The following SYNE2 variants were observed in gnomAD, a reference collection of about 807,000 sequenced individuals.
The protein encoded by SYNE2 is nesprin-2.
A neutral mutation model predicts 856.3 loss-of-function variants in SYNE2; 431 were observed. That is an observed-to-expected ratio of 0.50 (90% CI 0.47 to 0.55). The LOEUF is 0.55. Among genes scored for constraint, SYNE2 ranks in the 20% least tolerant of loss-of-function variants. The pLI is 0.00. For synonymous variants in SYNE2, 2,923 were observed against 2,872.3 expected (o/e 1.02, Z -0.56); for missense variants, 8,129 against 8,023.2 (o/e 1.01, Z -0.50).
intron 1 of SYNE2, among the ~76,000 whole-genome samples, chr14:63,818,243 G>A (rs1053871800): frequency 6.6e-6 from 1 of 150,868 alleles, no homozygotes; most frequent in Non-Finnish European, 1.5e-5. Flanking sequence ...TCTGAGGCAG[G>A]AGAATTGTTT....
In SYNE2 at chr14:63,909,129, A is replaced by C; in HGVS notation, c.-20A>C. On this transcript the variant is annotated 5_prime_UTR_variant, in exon 2 of 116. An upstream open reading frame in the 5' UTR loses its in-frame stop. Transcript: ENST00000555002. ...TCTTCAACTGAGATGGACATGATAT[A>C]ATCTCCATTGAGTCAAAGAATGGCA... 6.5e-7 allele frequency: 1 copy of C among 1,544,276 alleles called. No individual in the cohort carries two copies. Among genetic ancestry groups the C allele is most frequent in the Non-Finnish European group, 9.0e-7 (1 of 1,116,494 alleles).
chr14:64,202,420 A>C (rs1210915599), intron 99 of SYNE2, among the ~76,000 whole-genome samples: 1 of 152,196 alleles, frequency 6.6e-6, no homozygotes, highest in Non-Finnish European at 1.5e-5. Context: ...CCCACGGCAG[A>C]AACTGGGCAG....
chr14:63,901,317 G>A (rs2153323711), intron 1 of SYNE2, among the ~76,000 whole-genome samples: 1 of 152,226 alleles, frequency 6.6e-6, no homozygotes, highest in Admixed American at 6.5e-5. Flanking sequence ...TATTGAATAT[G>A]GAATGAAGAA....
chr14:64,141,638 C>A, intron 81 of SYNE2, 115 bp downstream of exon 81: 1 of 1,168,070 alleles, frequency 8.6e-7, no homozygotes, highest in Non-Finnish European at 1.2e-6. Flanking sequence ...TTTTCTCTGG[C>A]ACCACTGAAT....
chr14:63,986,453 T>C lies in SYNE2; in HGVS notation c.2152-3T>C, dbSNP rs754264426. 3.2e-5 allele frequency: 51 copies of C among 1,613,880 alleles called. 1 individual carries two copies. In the South Asian group the frequency reaches 4.9e-4, roughly 16 times the overall value. ...TTCTCAGTGGTACTTTTGAATGTTG[T>C]AGGCTGGAGAGAAACATGAAAAAGA... is the stretch of plus-strand genomic sequence containing the variant. On this transcript the variant is annotated splice_region_variant and splice_polypyrimidine_tract_variant and intron_variant, in intron 18 of 115. Transcript: ENST00000555002.
At chr14:64,148,070 G>C (rs908578883) in intron 84 of SYNE2, among the ~76,000 whole-genome samples, 4 of 152,120 alleles carry the variant, frequency 2.6e-5, no homozygotes, top group Non-Finnish European at 5.9e-5. Flanking sequence ...CCAGCACTTT[G>C]GGAGGCTGAG....
At chr14:64,014,966 T>TAC (rs1483223473) in intron 32 of SYNE2, among the ~76,000 whole-genome samples, 8 of 59,368 alleles carry the variant, frequency 1.3e-4, no homozygotes, top group African/African-American at 4.0e-4. Flanking sequence ...TATATATATA[T>TAC]ATATATATAC....
intron 19 of SYNE2, among the ~76,000 whole-genome samples, chr14:63,988,518 A>G (rs933266200): frequency 7.9e-5 from 12 of 152,224 alleles, no homozygotes; most frequent in Non-Finnish European, 1.5e-4. Flanking sequence ...AAAAAATTGA[A>G]ATCACTGTGA....
chr14:63,820,397 CATTA>C (rs1889170059), intron 1 of SYNE2, among the ~76,000 whole-genome samples: 1 of 152,030 alleles, frequency 6.6e-6, no homozygotes, highest in Non-Finnish European at 1.5e-5. Flanking sequence ...CATGTACAAA[CATTA>C]ATTAAGAATG....
chr14:64,052,806 A>G lies in SYNE2; in HGVS notation c.8893A>G (p.Asn2965Asp), dbSNP rs373245387. Residue 2965 changes from asparagine (N) to aspartate (D), a missense_variant, in exon 48 of 116, where the codon AAT becomes GAT. This residue lies in a region of SYNE2 where 5,410 missense variants were observed against 5,284.8 expected (regional missense o/e 1.02). Transcript: ENST00000555002. ...LQEEADSIQR[N>D]ELLLNQEVNK... ...GGAGGAGGCTGACAGTATACAGCGC[A>G]ATGAACTATTACTTAATCAAGAAGT... 3.7e-6 allele frequency: 6 copies of G among 1,612,764 alleles called. No homozygotes were observed. Among genetic ancestry groups the G allele is most frequent in the South Asian group, 1.1e-5 (1 of 90,438 alleles).
intron 1 of SYNE2, among the ~76,000 whole-genome samples, chr14:63,902,239 C>T (rs1045828220): frequency 1.3e-5 from 2 of 151,626 alleles, no homozygotes; most frequent in African/African-American, 2.4e-5. Context: ...GGCAAAACTC[C>T]ATCTCTACTA....
chr14:64,215,637 A>C, intron 107 of SYNE2: 1 of 538,354 alleles, frequency 1.9e-6, no homozygotes. Context: ...TTTTTTCTCC[A>C]TCTAACTGAA....
chr14:64,037,273 C>G (rs2097098437), intron 45 of SYNE2, among the ~76,000 whole-genome samples: 1 of 151,780 alleles, frequency 6.6e-6, no homozygotes, highest in Non-Finnish European at 1.5e-5. Flanking sequence ...GCGGAGGACC[C>G]TGCGGCCTTC....
rs1327305048 is a variant in SYNE2 at position 64,090,940 on chromosome 14, GC to G, written c.11872del (p.Gln3958LysfsTer4). 1.2e-6 allele frequency: 2 copies of G among 1,614,010 alleles called. No individual in the cohort carries two copies. Among genetic ancestry groups the G allele is most frequent in the Non-Finnish European group, 1.7e-6 (2 of 1,180,020 alleles). On this transcript the variant is annotated frameshift_variant, in exon 60 of 116. Coordinates refer to ENST00000555002, the MANE Select transcript of SYNE2 (RefSeq NM_182914.3). LOFTEE classifies it high-confidence loss of function. ...IVSYQVELRL[P>X]QTGMKPLPVF... is the part of the protein sequence containing the mutation. ...TGTCTTACCAAGTGGAACTGAGGTT[GC>G]CCCAAACAGGAATGAAACCTCTGCC...
chr14:64,101,106 A>G (rs758051336), intron 63 of SYNE2, among the ~76,000 whole-genome samples: 2 of 152,164 alleles, frequency 1.3e-5, no homozygotes, highest in Non-Finnish European at 2.9e-5. Flanking sequence ...ACAGTGCTGC[A>G]TTGAACATGG....
intron 11 of SYNE2, among the ~76,000 whole-genome samples, chr14:63,975,915 C>T (rs180893980): frequency 2.0e-5 from 3 of 152,170 alleles, no homozygotes; most frequent in East Asian, 1.9e-4. Context: ...CAGCGCTTGC[C>T]GGGGGGACAT....
At position 64,225,636 on chromosome 14, in the gene SYNE2, G is replaced by A. The variant is rs1332513350; in HGVS notation, c.*110G>A. The A allele has an allele frequency of 2.5e-6, 3 of 1,211,764 alleles. No homozygotes were observed. Among genetic ancestry groups the A allele is most frequent in the Admixed American group, 3.9e-5 (2 of 50,766 alleles). The allele number at this position is 1,211,764 out of a possible 1,614,324, so 75.1% of individuals were successfully genotyped here. A position where few individuals can be genotyped will look rare whatever the true frequency, so the allele number is the denominator to read the frequency against. ...TAGTGTTGGCAAGGTCCCGGGACCT[G>A]TGCAGACTTCTTCTGGGCTTACCCA... On this transcript the variant is annotated 3_prime_UTR_variant, in exon 116 of 116. Transcript: ENST00000555002.
rs372906029 is a variant in SYNE2, at chr14:64,210,135, C to G, written c.18723+11C>G. The G allele has an allele frequency of 1.2e-6, 2 of 1,612,394 alleles. No individual in the cohort carries two copies. Among genetic ancestry groups the G allele is most frequent in the South Asian group, 1.1e-5 (1 of 91,012 alleles). On this transcript the variant is annotated intron_variant, in intron 103 of 115. Transcript: ENST00000555002. Reference sequence around the variant, plus strand: ...CTGCGGAGACTCAGGGTGAGCTCCTCTGCACCTGGCTCGGGTGTAGATTTT... The same window carrying G: ...CTGCGGAGACTCAGGGTGAGCTCCTGTGCACCTGGCTCGGGTGTAGATTTT...
intron 66 of SYNE2, among the ~76,000 whole-genome samples, chr14:64,118,967 C>T (rs1477815703): frequency 2.0e-5 from 3 of 151,938 alleles, no homozygotes; most frequent in Non-Finnish European, 2.9e-5. Context: ...GGATTTAATT[C>T]ATTCACTCCT....
Sources: allele counts gnomAD v4.1 joint callset (sites outside exome capture counted in the v4.1 genomes callset), GRCh38; gene constraint gnomAD v4.1.1; regional missense constraint gnomAD v4.1.1; transcripts MANE v1.5; gene names NCBI Gene and HGNC (gene_info 2026-07-23, HGNC 2026-07-21).